Variants in PDE4D observed in about 807,000 individuals in gnomAD.
The protein encoded by PDE4D is phosphodiesterase 4D, also known as 3',5'-cyclic-AMP phosphodiesterase 4D.
Under a neutral mutation model 87.4 loss-of-function variants are expected in PDE4D, and 24 were observed. The observed-to-expected ratio is 0.27, with a 90% CI of 0.20 to 0.39. The LOEUF (loss-of-function observed/expected upper bound fraction) is 0.39, where lower values mean the gene tolerates loss of function less well. PDE4D is among the 10% of genes least tolerant of loss of function. PDE4D has a pLI of 1.00. For missense variants in PDE4D, 714 were observed against 1,041.0 expected, an observed-to-expected ratio of 0.69 and a Z score of 4.32; for synonymous variants, 384 against 383.2, an observed-to-expected ratio of 1.00 and a Z score of -0.02.
At chr5:59,625,152 C>T (rs982146338) in intron 1 of PDE4D, among the ~76,000 whole-genome samples, 1 of 152,036 alleles carries the variant, frequency 6.6e-6, no homozygotes, top group African/African-American at 2.4e-5. Context: ...CCTATAAAAG[C>T]AGAGTGCTTT....
intron 1 of PDE4D, among the ~76,000 whole-genome samples, chr5:60,463,897 A>G (rs990531821): frequency 2.0e-5 from 3 of 152,356 alleles, no homozygotes; most frequent in African/African-American, 7.2e-5. Flanking sequence ...AAGAAATAAA[A>G]TACACACATA....
intron 1 of PDE4D, among the ~76,000 whole-genome samples, chr5:59,649,750 C>T (rs1489540945): frequency 6.6e-6 from 1 of 150,736 alleles, no homozygotes; most frequent in Non-Finnish European, 1.5e-5. Flanking sequence ...GGCATGCTTA[C>T]CTGTCACCGT....
At chr5:59,043,077 T>G (rs1377312892) in intron 5 of PDE4D, among the ~76,000 whole-genome samples, 1 of 152,176 alleles carries the variant, frequency 6.6e-6, no homozygotes, top group Non-Finnish European at 1.5e-5. Flanking sequence ...CATTAGTTTC[T>G]TTGCCAACAC....
At chr5:59,928,670 G>A in intron 3 of PDE4D, among the ~76,000 whole-genome samples, 1 of 152,054 alleles carries the variant, frequency 6.6e-6, no homozygotes, top group East Asian at 1.9e-4. Context: ...GCAAAAAGAT[G>A]AAATAGAACA....
chr5:60,520,136 T>C (rs74654104), intron 1 of PDE4D, among the ~76,000 whole-genome samples: 2,511 of 152,314 alleles, frequency 0.016, 34 homozygotes, highest in Non-Finnish European at 0.024. Flanking sequence ...TGGATGGTTG[T>C]TTTTGTGCAA....
chr5:60,056,392 G>A lies in PDE4D; in HGVS notation c.43-67675C>T, dbSNP rs562986820. Reference sequence around the variant, plus strand: ...TAATGTGAATGATGAAGGAAGACGGGAAGCAGCAGTAGCAGGACAATCTGT... The same window carrying A: ...TAATGTGAATGATGAAGGAAGACGGAAAGCAGCAGTAGCAGGACAATCTGT... On this transcript the variant is annotated intron_variant, in intron 2 of 16. Coordinates refer to the PDE4D transcript ENST00000502484. Among the ~76,000 whole-genome samples, 27 of 152,068 alleles carry A rather than the reference G, an allele frequency of 1.8e-4. No homozygotes were observed. In the South Asian group the frequency reaches 5.4e-3, roughly 30 times the overall value.
At chr5:59,669,213 G>C (rs998441008) in intron 1 of PDE4D, among the ~76,000 whole-genome samples, 1 of 152,126 alleles carries the variant, frequency 6.6e-6, no homozygotes, top group Non-Finnish European at 1.5e-5. Context: ...CCAGGTTCAA[G>C]CAATTCTCCT....
At chr5:60,006,675 C>T (rs1764508759) in intron 2 of PDE4D, among the ~76,000 whole-genome samples, 1 of 151,920 alleles carries the variant, frequency 6.6e-6, no homozygotes, top group South Asian at 2.1e-4. Context: ...TGTGGCACTG[C>T]TCCATAATAG....
intron 1 of PDE4D, among the ~76,000 whole-genome samples, chr5:60,279,145 A>T (rs1425935046): frequency 2.0e-5 from 3 of 152,140 alleles, no homozygotes; most frequent in Non-Finnish European, 4.4e-5. Context: ...GAGGCTCCTT[A>T]TTACTGCTGG....
At chr5:58,976,135 AGTTTT>A (rs1197129245) in intron 13 of PDE4D, among the ~76,000 whole-genome samples, 2 of 152,272 alleles carry the variant, frequency 1.3e-5, no homozygotes, top group East Asian at 3.9e-4. Flanking sequence ...TTTGTTTGTT[AGTTTT>A]TTTAATTAAT....
intron 1 of PDE4D, among the ~76,000 whole-genome samples, chr5:59,233,684 G>T (rs1755735226): frequency 6.6e-6 from 1 of 152,104 alleles, no homozygotes; most frequent in African/African-American, 2.4e-5. Flanking sequence ...TCAAATTTGA[G>T]CCCTCTTTCT....
intron 1 of PDE4D, among the ~76,000 whole-genome samples, chr5:59,762,225 CACATATGCGTATATGTGTAT>C (rs1762070481): frequency 6.9e-6 from 1 of 145,064 alleles, no homozygotes; most frequent in Non-Finnish European, 1.5e-5. Context: ...TATATGGGTA[CACATATGCGTATATGTGTAT>C]ATGGGTACAC....
chr5:59,198,111 G>A (rs180858749), intron 2 of PDE4D, among the ~76,000 whole-genome samples: 109 of 152,284 alleles, frequency 7.2e-4, no homozygotes, highest in African/African-American at 2.5e-3. Flanking sequence ...AATTTTGGGT[G>A]AGGATGATGC....
At chr5:60,325,245 C>T (rs1270254957) in intron 1 of PDE4D, among the ~76,000 whole-genome samples, 1 of 152,176 alleles carries the variant, frequency 6.6e-6, no homozygotes, top group Non-Finnish European at 1.5e-5. Context: ...CTGACAGGTT[C>T]TTCTGGGACA....
At chr5:60,345,930 A>C (rs1175090757) in intron 1 of PDE4D, among the ~76,000 whole-genome samples, 1 of 152,138 alleles carries the variant, frequency 6.6e-6, no homozygotes, top group Non-Finnish European at 1.5e-5. Context: ...AAAATCACTG[A>C]AGCATTTCTA....
At chr5:60,145,878 T>C (rs1780943907) in intron 2 of PDE4D, among the ~76,000 whole-genome samples, 1 of 152,222 alleles carries the variant, frequency 6.6e-6, no homozygotes, top group Non-Finnish European at 1.5e-5. Context: ...TGTTCATAGG[T>C]ATCTTGTGAT....
chr5:59,760,386 T>A (rs1761821399), intron 1 of PDE4D, among the ~76,000 whole-genome samples: 1 of 152,218 alleles, frequency 6.6e-6, no homozygotes, highest in Non-Finnish European at 1.5e-5. Flanking sequence ...ACTAAGTACT[T>A]CTTCTACTGT....
intron 1 of PDE4D, among the ~76,000 whole-genome samples, chr5:59,289,102 A>G (rs1055346560): frequency 3.3e-5 from 5 of 152,146 alleles, no homozygotes; most frequent in African/African-American, 9.6e-5. Context: ...TAGAAAGAAT[A>G]AAAGATAAAC....
intron 1 of PDE4D, among the ~76,000 whole-genome samples, chr5:59,880,774 C>T (rs1215516164): frequency 3.9e-5 from 6 of 152,218 alleles, no homozygotes; most frequent in African/African-American, 9.7e-5. Context: ...CTGGGGTCCT[C>T]ATGTCATGAC....
Sources: gnomAD v4.1 joint callset for allele counts (sites outside exome capture counted in the v4.1 genomes callset) on GRCh38, gnomAD v4.1.1 for gene constraint, MANE v1.5 for transcripts, NCBI Gene and HGNC (gene_info 2026-07-23, HGNC 2026-07-21) for gene names.